Variants in CROCC observed in about 807,000 individuals in gnomAD.
CROCC encodes the protein ciliary rootlet coiled-coil, rootletin, also known as rootletin.
A neutral mutation model predicts 245.2 loss-of-function variants in CROCC; 180 were observed. The observed-to-expected ratio is 0.73, with a 90% CI of 0.65 to 0.83. The LOEUF is 0.83. Ranked by LOEUF, CROCC falls within the 40% of genes least tolerant of loss-of-function variation. CROCC has a pLI of 0.00. For missense variants in CROCC, 2,688 were observed against 2,779.4 expected (o/e 0.97, Z 0.74); for synonymous variants, 1,205 against 1,241.6 (o/e 0.97, Z 0.62).
chr1:16,924,239 C>T, intron 2 of CROCC, 86 bp from the exon 3 acceptor site: 6 of 1,526,620 alleles, frequency 3.9e-6, no homozygotes, highest in Non-Finnish European at 5.3e-6. Context: ...TCCCAGGGGC[C>T]TGGATGGTTT....
intron 25 of CROCC, among the ~76,000 whole-genome samples, chr1:16,957,845 C>A (rs2076271629): frequency 6.6e-6 from 1 of 152,174 alleles, no homozygotes; most frequent in Non-Finnish European, 1.5e-5. Context: ...GCCAGAGATA[C>A]CACAGCCCCC....
intron 27 of CROCC, among the ~76,000 whole-genome samples, chr1:16,961,568 TCTAGGCCA>T (rs2076335389): frequency 6.6e-6 from 1 of 151,870 alleles, no homozygotes; most frequent in Non-Finnish European, 1.5e-5. Context: ...CGGCACCCGG[TCTAGGCCA>T]CTTATTTTTT....
At chr1:16,938,600 C>T in intron 11 of CROCC, 117 bp downstream of exon 11, 1 of 1,019,704 alleles carries the variant, frequency 9.8e-7, no homozygotes, top group South Asian at 1.6e-5. Context: ...GGGACCCAGG[C>T]TGTAGCTGCT....
chr1:16,922,094 T>G lies in CROCC; in HGVS notation c.60+16T>G, dbSNP rs1211466363. ...GGTTATCCAGGTGGGTCCTGGGGGC[T>G]GTGCCCACCCTGTCTGGGGCGGGGC... is the stretch of plus-strand genomic sequence containing the variant. On this transcript the variant is annotated intron_variant, in intron 1 of 36. Transcript: ENST00000375541. The G allele has an allele frequency of 6.5e-7, 1 of 1,537,968 alleles. No homozygotes were observed. The highest frequency in any genetic ancestry group is 2.5e-5 in the East Asian group (1 of 40,666).
chr1:16,949,184 C>T (rs1469913410), intron 19 of CROCC, among the ~76,000 whole-genome samples: 2 of 152,272 alleles, frequency 1.3e-5, no homozygotes, highest in African/African-American at 4.8e-5. Flanking sequence ...GTGGGAAAAG[C>T]GTGTAAGGCC....
In CROCC at chr1:16,954,964, T is replaced by C; in HGVS notation, c.3465+87T>C. 7.1e-7 allele frequency: 1 copy of C among 1,408,446 alleles called. No individual in the cohort carries two copies. Among genetic ancestry groups the C allele is most frequent in the African/African-American group, 1.5e-5 (1 of 68,898 alleles). The allele number at this position is 1,408,446 out of a possible 1,614,324, so 87.2% of individuals were successfully genotyped here. A position where few individuals can be genotyped will look rare whatever the true frequency, so the allele number is the denominator to read the frequency against. ...CTAGTTCCCCAGGGCCCCAGAAGAG[T>C]GTAAGATTCCTCCCTGCATTTGAGG... is the stretch of plus-strand genomic sequence containing the variant. On this transcript the variant is annotated intron_variant, in intron 23 of 36. Coordinates refer to ENST00000375541, the MANE Select transcript of CROCC (RefSeq NM_014675.5). This position sits in a 1 kb window ranked among gnomAD's most constrained non-coding sequence, Gnocchi z 4.4.
intron 8 of CROCC, 22 bp downstream of exon 8, chr1:16,931,419 G>A (rs2075675432): frequency 6.3e-7 from 1 of 1,595,144 alleles, no homozygotes. Context: ...CCGGGGACGG[G>A]GCAGCAGCTG....
chr1:16,970,639 GAGCGGGAGAAGCTTCGT>G lies in CROCC; in HGVS notation c.5660_5676del (p.Arg1887ProfsTer2). 1 of 1,547,666 alleles carries G rather than the reference GAGCGGGAGAAGCTTCGT, an allele frequency of 6.5e-7. No individual in the cohort carries two copies. The highest frequency in any genetic ancestry group is 8.7e-7 in the Non-Finnish European group (1 of 1,145,728). The stretch of plus-strand genomic sequence containing the variant: ...CTCCTGTGGCTCTCCTGCCTAGGTG[GAGCGGGAGAAGCTTCGT>G]AGCCATGAGGACACAGTGCGGCTGA... On this transcript the variant is annotated frameshift_variant, in exon 35 of 37. Transcript: ENST00000375541. LOFTEE classifies it high-confidence loss of function.
chr1:16,947,541 A>G (rs2100467306), intron 17 of CROCC, among the ~76,000 whole-genome samples: 1 of 152,198 alleles, frequency 6.6e-6, no homozygotes, highest in Non-Finnish European at 1.5e-5. Context: ...TTAGAATTGG[A>G]ATCTTAGACT....
In CROCC at chr1:16,961,037, T is replaced by TCGGCTCTGCGCC; in HGVS notation, c.4313_4324dup (p.Arg1441_Arg1442insProAlaLeuArg). The TCGGCTCTGCGCC allele has an allele frequency of 7.6e-7, 1 of 1,315,248 alleles. No homozygotes were observed. The highest frequency in any genetic ancestry group is 9.6e-7 in the Non-Finnish European group (1 of 1,039,076). The allele number at this position is 1,315,248 out of a possible 1,614,324, so 81.5% of individuals were successfully genotyped here. ...GGAGGCCCAGCTGGGTGGCCTGCGC[T>TCGGCTCTGCGCC]CGGCTCTGCGCCGGGGCCTCGGCCT... On this transcript the variant is annotated inframe_insertion, in exon 27 of 37. Coordinates refer to ENST00000375541, the MANE Select transcript of CROCC (RefSeq NM_014675.5).
Position 16,932,517 on chromosome 1 carries a change from G to A in CROCC, c.956+1120G>A, listed in dbSNP as rs570860444. Among the ~76,000 whole-genome samples the A allele has an allele frequency of 1.5e-4, 23 of 152,344 alleles. No homozygotes were observed. In the South Asian group the frequency reaches 3.1e-3, roughly 21 times the overall value. On this transcript the variant is annotated intron_variant, in intron 8 of 36. Coordinates refer to ENST00000375541, the MANE Select transcript of CROCC (RefSeq NM_014675.5). ...TACGTGGAACAGAGGGAATGTCCTC[G>A]AGGCTCAGAAGGATGGGAGGGGTGG...
chr1:16,920,933 G>A (rs1049631212), upstream of CROCC, among the ~76,000 whole-genome samples: 4 of 152,212 alleles, frequency 2.6e-5, no homozygotes, highest in East Asian at 1.9e-4. Context: ...TGGTAGAGAC[G>A]GGGTTTCACC....
chr1:16,918,552 C>T (rs369399559), upstream of CROCC, among the ~76,000 whole-genome samples: 1 of 152,174 alleles, frequency 6.6e-6, no homozygotes, highest in Non-Finnish European at 1.5e-5. Flanking sequence ...TCTGGGGCCC[C>T]CTCTGCTGAG....
intron 13 of CROCC, 77 bp downstream of exon 13, chr1:16,940,170 G>T: frequency 1.4e-6 from 2 of 1,434,606 alleles, no homozygotes; most frequent in Admixed American, 4.0e-5. Context: ...AGCCTTATGC[G>T]TATGGCTCTG....
intron 3 of CROCC, 99 bp downstream of exon 3, chr1:16,924,578 C>T (rs2075489015): frequency 2.0e-5 from 30 of 1,482,198 alleles, no homozygotes; most frequent in Non-Finnish European, 2.6e-5. Context: ...AAGATGGGCC[C>T]TGGAGTCAGG....
In CROCC at chr1:16,966,459, T is replaced by C. The variant is rs1005029308; in HGVS notation, c.4748T>C (p.Leu1583Pro). Residue 1583 changes from leucine (L) to proline (P), a missense_variant, in exon 30 of 37, where the codon CTG becomes CCG. Leu to Pro is a moderately conservative substitution (Grantham distance 98). Coordinates refer to ENST00000375541, the MANE Select transcript of CROCC (RefSeq NM_014675.5). The surrounding 1 kb of genome is among the most constrained non-coding windows in gnomAD (Gnocchi z 4.8). ...AGCGGGGTCCAGGCGGAGCTGGCGC[T>C]GCAGGAGGAGAGTGTGCGGCGCAGT... The part of the protein sequence containing the change: ...RLSGVQAELA[L>P]QEESVRRSER... The C allele has an allele frequency of 6.5e-7, 1 of 1,536,970 alleles. No homozygotes were observed. The highest frequency in any genetic ancestry group is 1.2e-5 in the South Asian group (1 of 83,798).
chr1:16,946,898 C>T lies in CROCC; in HGVS notation c.2421C>T (p.Ser807=). Residue 807 remains serine (S), a synonymous_variant, in exon 17 of 37, where the codon TCC becomes TCT. Coordinates refer to ENST00000375541, the MANE Select transcript of CROCC (RefSeq NM_014675.5). ...QEVARQGLEG[S]LRVAEQAQEA... ...TGGCGCGGCAGGGCCTGGAGGGCTC[C>T]CTACGAGTGGCGGAGCAGGCCCAGG... The T allele has an allele frequency of 1.3e-6, 2 of 1,565,778 alleles. No homozygotes were observed. The highest frequency in any genetic ancestry group is 8.7e-7 in the Non-Finnish European group (1 of 1,155,578).
Position 16,938,977 on chromosome 1 carries a change from C to T in CROCC, c.1443C>T (p.Asn481=), listed in dbSNP as rs149317645. The stretch of plus-strand genomic sequence containing the variant: ...CTGAGCGCACCGCGGATGCTTCCAA[C>T]GGCAGCCTGCGGGGGCTCTCGGGCC... ...SGSERTADAS[N]GSLRGLSGQR... Residue 481 remains asparagine (N), a synonymous_variant, in exon 12 of 37, where the codon AAC becomes AAT. Coordinates refer to ENST00000375541, the MANE Select transcript of CROCC (RefSeq NM_014675.5). 5.0e-4 allele frequency: 803 copies of T among 1,603,846 alleles called. No individual in the cohort carries two copies. The highest frequency in any genetic ancestry group is 3.1e-3 in the African/African-American group (229 of 74,248).
At chr1:16,947,993 C>G (rs1362336615) in intron 17 of CROCC, among the ~76,000 whole-genome samples, 1 of 152,272 alleles carries the variant, frequency 6.6e-6, no homozygotes, top group Admixed American at 6.5e-5. Context: ...CGTGCACCAC[C>G]ACGCCCGGCT....
Sources: allele counts gnomAD v4.1 joint callset (sites outside exome capture counted in the v4.1 genomes callset), GRCh38; gene constraint gnomAD v4.1.1; non-coding constraint Gnocchi (gnomAD v3.1); transcripts MANE v1.5; gene names NCBI Gene and HGNC (gene_info 2026-07-23, HGNC 2026-07-21).